MAGI1: variants seen among roughly 807,000 people sequenced by gnomAD.
MAGI1 encodes membrane-associated guanylate kinase, WW and PDZ domain-containing protein 1.
MAGI1 carries 58 observed loss-of-function variants against 139.9 expected under a neutral mutation model. That is an observed-to-expected ratio of 0.41 (90% CI 0.34 to 0.52). MAGI1 has a LOEUF of 0.52. MAGI1 is among the 20% of genes least tolerant of loss of function. The pLI is 0.12. For synonymous variants in MAGI1, 812 were observed against 737.9 expected (o/e 1.10, Z -1.63); for missense variants, 1,874 against 1,901.6 (o/e 0.99, Z 0.27).
intron 1 of MAGI1, among the ~76,000 whole-genome samples, chr3:66,031,312 C>T (rs1263331225): frequency 1.3e-5 from 2 of 152,160 alleles, no homozygotes; most frequent in African/African-American, 2.4e-5. Flanking sequence ...AAATAACCCT[C>T]GTTTACAAAG....
At chr3:65,901,187 C>T (rs991645659) in intron 1 of MAGI1, among the ~76,000 whole-genome samples, 4 of 152,124 alleles carry the variant, frequency 2.6e-5, no homozygotes, top group African/African-American at 9.7e-5. Context: ...TCCTCTCTAA[C>T]CAAAACAATC....
chr3:65,718,056 A>G (rs2032491032), intron 1 of MAGI1, among the ~76,000 whole-genome samples: 1 of 152,200 alleles, frequency 6.6e-6, no homozygotes, highest in Non-Finnish European at 1.5e-5. Flanking sequence ...TTCCATGCAG[A>G]AATCCCTGTA....
At chr3:65,754,465 C>A (rs1229888968) in intron 1 of MAGI1, among the ~76,000 whole-genome samples, 1 of 152,218 alleles carries the variant, frequency 6.6e-6, no homozygotes. Context: ...TGTGTAATAT[C>A]ACTTTTCAAG....
At chr3:65,903,570 C>T (rs1307910714) in intron 1 of MAGI1, among the ~76,000 whole-genome samples, 2 of 152,194 alleles carry the variant, frequency 1.3e-5, no homozygotes, top group East Asian at 1.9e-4. Context: ...TGCACGTACA[C>T]ACACCTTCTC....
intron 1 of MAGI1, among the ~76,000 whole-genome samples, chr3:65,642,415 A>T (rs988705238): frequency 1.3e-5 from 2 of 152,232 alleles, no homozygotes; most frequent in African/African-American, 4.8e-5. Context: ...GAAGGGAATG[A>T]AAAGCCTTTG....
intron 1 of MAGI1, among the ~76,000 whole-genome samples, chr3:65,668,562 C>CTTTTT (rs58434479): frequency 1.5e-4 from 12 of 79,888 alleles, no homozygotes; most frequent in East Asian, 3.0e-4. Context: ...CCTTTTTTTT[C>CTTTTT]TTTTTTTTTT....
rs1396723050 is a variant in MAGI1 at position 65,429,699 on chromosome 3, C to A, written c.1988G>T (p.Gly663Val). The A allele has an allele frequency of 8.1e-6, 13 of 1,613,938 alleles. No individual in the cohort carries two copies. The highest frequency in any genetic ancestry group is 1.1e-5 in the Non-Finnish European group (13 of 1,179,950). ...FGFTIADSPGGGGQRVKQIVD... is the reference protein window; with the variant it reads ...FGFTIADSPGVGGQRVKQIVD... ...AATCTGTTTCACTCTTTGGCCACCCCCACCAGGACTGTCTGCGATAGTAAA... is the reference window on the plus strand; with the variant it reads ...AATCTGTTTCACTCTTTGGCCACCCACACCAGGACTGTCTGCGATAGTAAA... Residue 663 changes from glycine to valine, a missense_variant, in exon 12 of 23, where the codon GGG becomes GTG. Coordinates refer to ENST00000402939, the MANE Select transcript of MAGI1 (RefSeq NM_001033057.2).
At chr3:65,474,658 C>CT (rs1950763558) in intron 4 of MAGI1, among the ~76,000 whole-genome samples, 2 of 151,884 alleles carry the variant, frequency 1.3e-5, no homozygotes, top group African/African-American at 4.8e-5. Context: ...CTCTTGGGGA[C>CT]TTTTCAAGGT....
chr3:65,524,974 C>T (rs563936672), intron 2 of MAGI1, among the ~76,000 whole-genome samples: 12 of 152,288 alleles, frequency 7.9e-5, no homozygotes, highest in African/African-American at 2.4e-4. Context: ...TGCAGCCTCA[C>T]GTTTGTCTTC....
chr3:65,882,753 T>G (rs264707), intron 1 of MAGI1, among the ~76,000 whole-genome samples: 6,388 of 151,610 alleles, frequency 0.042, 447 homozygotes, highest in African/African-American at 0.15. Context: ...GGCAACATGG[T>G]GAAACCCCAT....
intron 1 of MAGI1, among the ~76,000 whole-genome samples, chr3:65,801,236 T>G (rs1361427125): frequency 6.6e-6 from 1 of 152,186 alleles, no homozygotes; most frequent in African/African-American, 2.4e-5. Context: ...CAGCATGGGT[T>G]TAGCTTCAAG....
intron 1 of MAGI1, among the ~76,000 whole-genome samples, chr3:65,871,600 G>C (rs2059941248): frequency 6.6e-6 from 1 of 152,244 alleles, no homozygotes; most frequent in Non-Finnish European, 1.5e-5. Flanking sequence ...AGTACAGCTG[G>C]AAACACAGCA....
chr3:65,488,364 T>C (rs902600861), intron 3 of MAGI1, among the ~76,000 whole-genome samples: 2 of 152,014 alleles, frequency 1.3e-5, no homozygotes, highest in Non-Finnish European at 2.9e-5. Flanking sequence ...TGAGACAGGG[T>C]CTCACTTTGT....
intron 1 of MAGI1, among the ~76,000 whole-genome samples, chr3:65,882,166 G>C (rs113698289): frequency 0.013 from 1,987 of 152,270 alleles, 46 homozygotes; most frequent in African/African-American, 0.045. Flanking sequence ...GGGTTGATGT[G>C]AGTTTCTTGG....
At chr3:66,008,072 T>TGCCCAGCCCCA (rs2067127147) in intron 1 of MAGI1, among the ~76,000 whole-genome samples, 1 of 151,958 alleles carries the variant, frequency 6.6e-6, no homozygotes, top group African/African-American at 2.4e-5. Flanking sequence ...AATTTGTGTA[T>TGCCCAGCCCCA]TTTTAGTACA....
chr3:65,869,672 T>A (rs1484459137), intron 1 of MAGI1, among the ~76,000 whole-genome samples: 1 of 152,080 alleles, frequency 6.6e-6, no homozygotes, highest in Non-Finnish European at 1.5e-5. Context: ...AGTGCTGGAA[T>A]TACAGGAGTG....
intron 1 of MAGI1, among the ~76,000 whole-genome samples, chr3:65,917,852 G>T (rs963885707): frequency 3.9e-5 from 6 of 152,176 alleles, no homozygotes; most frequent in African/African-American, 1.2e-4. Flanking sequence ...TGGTGGACAC[G>T]TGTCATTACA....
chr3:65,994,083 G>A (rs1027429817), intron 1 of MAGI1, among the ~76,000 whole-genome samples: 1 of 152,022 alleles, frequency 6.6e-6, no homozygotes, highest in Non-Finnish European at 1.5e-5. Context: ...AGACCAGCCT[G>A]GCCAACATGG....
intron 2 of MAGI1, among the ~76,000 whole-genome samples, chr3:65,516,718 CTTTTTTTTTT>C (rs71102867): frequency 1.0e-4 from 7 of 66,978 alleles, no homozygotes; most frequent in African/African-American, 2.3e-4. Flanking sequence ...CATCCCACCT[CTTTTTTTTTT>C]TTTTTTTTTT....
Sources: gnomAD v4.1 joint callset for allele counts (sites outside exome capture counted in the v4.1 genomes callset) on GRCh38, gnomAD v4.1.1 for gene constraint, MANE v1.5 for transcripts, NCBI Gene and HGNC (gene_info 2026-07-23, HGNC 2026-07-21) for gene names.